DCDC1: variants seen among roughly 807,000 people sequenced by gnomAD.
DCDC1 encodes doublecortin domain containing 1, also known as doublecortin domain-containing protein 1.
DCDC1 carries 200 observed loss-of-function variants against 178.3 expected under a neutral mutation model. The observed-to-expected ratio is 1.12, with a 90% CI of 1.00 to 1.26. DCDC1 has a LOEUF of 1.26. Ranked by LOEUF, DCDC1 falls within the 50% of genes most tolerant of loss-of-function variation. The probability of loss-of-function intolerance (pLI) is 0.00; values close to 1 mark genes in which losing one functional copy is unlikely to be tolerated. For synonymous variants in DCDC1, 690 were observed against 604.8 expected (o/e 1.14, Z -2.07); for missense variants, 1,983 against 1,749.2 (o/e 1.13, Z -2.38).
intron 38 of DCDC1, among the ~76,000 whole-genome samples, chr11:30,877,230 A>G (rs1464421270): frequency 6.6e-6 from 1 of 152,132 alleles, no homozygotes; most frequent in Non-Finnish European, 1.5e-5. Flanking sequence ...GAAATGATAT[A>G]CTGCCTTCCT....
intron 9 of DCDC1, among the ~76,000 whole-genome samples, chr11:31,200,498 A>T (rs1482555646): frequency 6.6e-6 from 1 of 152,068 alleles, no homozygotes; most frequent in Non-Finnish European, 1.5e-5. Flanking sequence ...TAAGGAAAAA[A>T]TTCTCCTTTT....
At chr11:30,986,333 TC>T (rs1565155238) in intron 20 of DCDC1, among the ~76,000 whole-genome samples, 3,129 of 149,734 alleles carry the variant, frequency 0.021, 133 homozygotes, top group African/African-American at 0.074. Context: ...TTTTTCTCTC[TC>T]TCTTTTTTTT....
In DCDC1 at chr11:30,903,527, C is replaced by A; in HGVS notation, c.4465G>T (p.Ala1489Ser). ...ATCTGTTCTTTTCCAACAGGAGCTG[C>A]ATCTTGCTTTTGTTTCTCAGAGTCT... ...QRDSEKQKQD[A>S]APVGKEQIIV... The change falls in exon 32 of 39, where the codon GCA (alanine) becomes TCA (serine). Residue 1489 changes from alanine (A) to serine (S), a missense_variant. Ala to Ser is a moderately conservative substitution (Grantham distance 99). Transcript: ENST00000684477. 1 of 1,605,400 alleles carries A rather than the reference C, an allele frequency of 6.2e-7. No individual in the cohort carries two copies. The highest frequency in any genetic ancestry group is 8.5e-7 in the Non-Finnish European group (1 of 1,175,566).
intron 20 of DCDC1, among the ~76,000 whole-genome samples, chr11:31,056,358 A>C (rs575391143): frequency 6.6e-6 from 1 of 152,230 alleles, no homozygotes; most frequent in South Asian, 2.1e-4. Context: ...AAATACCAGT[A>C]ATTACATTAT....
At chr11:31,324,482 T>C (rs538188948) in intron 3 of DCDC1, among the ~76,000 whole-genome samples, 1 of 152,028 alleles carries the variant, frequency 6.6e-6, no homozygotes. Context: ...AAAGAAAATA[T>C]TATATTTATA....
intron 20 of DCDC1, among the ~76,000 whole-genome samples, chr11:30,967,821 G>A (rs1949529097): frequency 6.6e-6 from 1 of 151,956 alleles, no homozygotes; most frequent in South Asian, 2.1e-4. Context: ...AAGTTCTTAG[G>A]AAACAGATGA....
At position 31,358,496 on chromosome 11, in the gene DCDC1, C is replaced by T. The variant is rs867751359; in HGVS notation, c.-125+11201G>A. ...AAACCATAAAAACCCTAGAAGAAAACCTAGGCATTACCATTCAGGACATAG... is the reference window on the plus strand; with the variant it reads ...AAACCATAAAAACCCTAGAAGAAAATCTAGGCATTACCATTCAGGACATAG... On this transcript the variant is annotated intron_variant, in intron 1 of 38. Coordinates refer to ENST00000684477, the MANE Select transcript of DCDC1 (RefSeq NM_001387274.1). Among the ~76,000 whole-genome samples, 445 of 151,362 alleles carry T rather than the reference C, an allele frequency of 2.9e-3. 2 individuals are homozygous for T. The highest frequency in any genetic ancestry group is 9.9e-3 in the African/African-American group (410 of 41,362).
At chr11:31,011,540 C>A (rs1020511474) in intron 20 of DCDC1, among the ~76,000 whole-genome samples, 16 of 152,054 alleles carry the variant, frequency 1.1e-4, no homozygotes, top group African/African-American at 3.6e-4. Flanking sequence ...CAGAGAAGGG[C>A]AAATGATAAA....
intron 1 of DCDC1, among the ~76,000 whole-genome samples, chr11:31,359,446 A>T (rs1197854877): frequency 2.0e-5 from 2 of 99,820 alleles, no homozygotes; most frequent in African/African-American, 3.9e-5. Flanking sequence ...GGGTGGGGGG[A>T]GGGGGAAGGG....
At chr11:31,191,654 A>G (rs531855404) in intron 9 of DCDC1, among the ~76,000 whole-genome samples, 2 of 152,050 alleles carry the variant, frequency 1.3e-5, no homozygotes, top group Non-Finnish European at 2.9e-5. Context: ...AAAAGAACAA[A>G]TTCAAATAAA....
At chr11:31,173,931 C>T (rs538618878) in intron 9 of DCDC1, among the ~76,000 whole-genome samples, 70 of 152,314 alleles carry the variant, frequency 4.6e-4, no homozygotes, top group African/African-American at 1.6e-3. Context: ...CAGCTGCTGC[C>T]ATGATGCTAG....
At chr11:31,195,284 C>A (rs1970570324) in intron 9 of DCDC1, among the ~76,000 whole-genome samples, 1 of 152,068 alleles carries the variant, frequency 6.6e-6, no homozygotes, top group Non-Finnish European at 1.5e-5. Flanking sequence ...ACTGTGAAAC[C>A]TTTGGCAAAA....
chr11:31,045,164 AAGG>A (rs1954749856), intron 20 of DCDC1, among the ~76,000 whole-genome samples: 1 of 152,110 alleles, frequency 6.6e-6, no homozygotes, highest in African/African-American at 2.4e-5. Flanking sequence ...GTAGACTAAA[AAGG>A]AGCATTCCAA....
At chr11:31,006,221 TTGA>T (rs1431036722) in intron 20 of DCDC1, among the ~76,000 whole-genome samples, 1 of 152,140 alleles carries the variant, frequency 6.6e-6, no homozygotes, top group Non-Finnish European at 1.5e-5. Flanking sequence ...TGTAATTAGC[TTGA>T]TGACACCACA....
intron 20 of DCDC1, among the ~76,000 whole-genome samples, chr11:31,037,725 A>C (rs1320921787): frequency 6.6e-6 from 1 of 151,958 alleles, no homozygotes; most frequent in African/African-American, 2.4e-5. Context: ...GGCCTCCCAA[A>C]GTGCTGGGAT....
chr11:31,084,326 A>C (rs1164229253), intron 17 of DCDC1, among the ~76,000 whole-genome samples: 1 of 152,170 alleles, frequency 6.6e-6, no homozygotes, highest in Non-Finnish European at 1.5e-5. Context: ...TTTTATCTCT[A>C]GAAATTGCTG....
rs1371562718 is a variant in DCDC1 at position 30,922,559 on chromosome 11, T to C, written c.3077A>G (p.Asn1026Ser). ...AQQKKQIFLRNLESDIAKIQI... is the reference protein window; with the variant it reads ...AQQKKQIFLRSLESDIAKIQI... Reference sequence around the variant, plus strand: ...AATTTTGGCAATGTCTGATTCTAGGTTCCTCAGGAATATTTGTTTCTTTTG... The same window carrying C: ...AATTTTGGCAATGTCTGATTCTAGGCTCCTCAGGAATATTTGTTTCTTTTG... Residue 1026 changes from asparagine (N) to serine (S), a missense_variant, in exon 24 of 39, where the codon AAC becomes AGC. Asn to Ser is a conservative substitution (Grantham distance 46, BLOSUM62 1). Coordinates refer to ENST00000684477, the MANE Select transcript of DCDC1 (RefSeq NM_001387274.1). The C allele has an allele frequency of 1.3e-6, 2 of 1,586,396 alleles. No homozygotes were observed. The highest frequency in any genetic ancestry group is 1.2e-5 in the South Asian group (1 of 85,552).
At chr11:31,265,737 T>G in intron 7 of DCDC1, 137 bp from the exon 8 acceptor site, 1 of 364,724 alleles carries the variant, frequency 2.7e-6, no homozygotes, top group Non-Finnish European at 4.7e-6. Context: ...AATGTTCTAA[T>G]ATATGAAATT....
At chr11:31,008,317 C>T (rs2135093358) in intron 20 of DCDC1, among the ~76,000 whole-genome samples, 1 of 152,164 alleles carries the variant, frequency 6.6e-6, no homozygotes, top group South Asian at 2.1e-4. Context: ...ATGTTCTTAG[C>T]AGCTTACAGT....
Sources: gnomAD v4.1 joint callset for allele counts (sites outside exome capture counted in the v4.1 genomes callset) on GRCh38, gnomAD v4.1.1 for gene constraint, MANE v1.5 for transcripts, NCBI Gene and HGNC (gene_info 2026-07-23, HGNC 2026-07-21) for gene names.